Variants in PPIE observed in about 807,000 individuals in gnomAD.
The protein encoded by PPIE is peptidyl-prolyl cis-trans isomerase E.
In PPIE, 20 loss-of-function variants were observed where a neutral mutation model predicts 38.4. The observed-to-expected ratio is 0.52, with a 90% CI of 0.37 to 0.76. The LOEUF is 0.76. Ranked by LOEUF, PPIE falls within the 30% of genes least tolerant of loss-of-function variation. The pLI is 0.00. For synonymous variants in PPIE, 142 were observed against 135.7 expected (o/e 1.05, Z -0.32); for missense variants, 322 against 385.8 (o/e 0.83, Z 1.39).
intron 2 of PPIE, among the ~76,000 whole-genome samples, chr1:39,740,825 C>G (rs1209261353): frequency 6.6e-6 from 1 of 152,172 alleles, no homozygotes; most frequent in East Asian, 1.9e-4. Flanking sequence ...TCTTTAAACT[C>G]TCTGGGCCTG....
Position 39,740,202 on chromosome 1 carries a change from T to A in PPIE, c.69T>A (p.His23Gln). 1 of 1,614,226 alleles carries A rather than the reference T, an allele frequency of 6.2e-7. No individual in the cohort carries two copies. The highest frequency in any genetic ancestry group is 8.5e-7 in the Non-Finnish European group (1 of 1,180,038). Residue 23 changes from histidine (H) to glutamine (Q), a missense_variant, in exon 2 of 10, where the codon CAT becomes CAA. By Grantham distance (24) the His-to-Gln change is conservative. Coordinates refer to ENST00000324379, the MANE Select transcript of PPIE (RefSeq NM_006112.4). Reference protein sequence around the residue: ...LAEEVDDKVLHAAFIPFGDIT... With the variant: ...LAEEVDDKVLQAAFIPFGDIT... ...AGGAAGTGGACGACAAAGTTCTTCA[T>A]GCTGCGTTCATTCCTTTTGGAGACA...
chr1:39,762,996 C>T, intron 9 of PPIE: 6 of 1,430,756 alleles, frequency 4.2e-6, no homozygotes, highest in Non-Finnish European at 5.9e-6. Context: ...AGACGCGGAG[C>T]AGGTGGCCTC....
At chr1:39,741,795 G>A (rs1156402151) in intron 3 of PPIE, 100 bp from the exon 4 acceptor site, 1 of 1,307,642 alleles carries the variant, frequency 7.6e-7, no homozygotes, top group Non-Finnish European at 1.1e-6. Flanking sequence ...AAATACAGAG[G>A]TGGCATTTTT....
chr1:39,744,388 C>G (rs1252436809), intron 6 of PPIE, among the ~76,000 whole-genome samples: 1 of 152,204 alleles, frequency 6.6e-6, no homozygotes, highest in African/African-American at 2.4e-5. Flanking sequence ...CTACGGGAAC[C>G]TGCTGGGGCA....
intron 7 of PPIE, chr1:39,745,843 AACTAGTGC>A (rs1647189140): frequency 5.4e-6 from 1 of 185,692 alleles, no homozygotes; most frequent in Non-Finnish European, 1.1e-5. Flanking sequence ...TTCTAGAAGT[AACTAGTGC>A]TTTTATTGAG....
downstream of PPIE, chr1:39,760,148 C>A: frequency 1.9e-6 from 1 of 533,938 alleles, no homozygotes; most frequent in Non-Finnish European, 3.3e-6. Context: ...CCAGCCAGGA[C>A]ATGCCTCCGG....
intron 6 of PPIE, among the ~76,000 whole-genome samples, chr1:39,744,853 T>C (rs989811009): frequency 2.6e-5 from 4 of 152,144 alleles, no homozygotes; most frequent in African/African-American, 9.7e-5. Context: ...TGGAGCACAA[T>C]GCAAGGCCCA....
chr1:39,761,820 G>A (rs1232657238), intron 9 of PPIE, among the ~76,000 whole-genome samples: 2 of 152,216 alleles, frequency 1.3e-5, no homozygotes, highest in Admixed American at 6.5e-5. Flanking sequence ...CACAGGAGGC[G>A]TCACCTCCAC....
Position 39,754,789 on chromosome 1 carries a change from T to C in PPIE, c.*1434T>C, listed in dbSNP as rs564645141. Reference sequence around the variant, plus strand: ...GGGAGGATCGCTTGAACCTGGGAGGTTGAGGCTGCAGTCAGCCATGGTCAT... The same window carrying C: ...GGGAGGATCGCTTGAACCTGGGAGGCTGAGGCTGCAGTCAGCCATGGTCAT... On this transcript the variant is annotated 3_prime_UTR_variant, in exon 10 of 10. Coordinates refer to ENST00000324379, the MANE Select transcript of PPIE (RefSeq NM_006112.4). Among the ~76,000 whole-genome samples, 2 of 152,090 alleles carry C rather than the reference T, an allele frequency of 1.3e-5. No homozygotes were observed. Among genetic ancestry groups the C allele is most frequent in the Admixed American group, 6.5e-5 (1 of 15,292 alleles).
chr1:39,760,287 C>T (rs1392559697), downstream of PPIE: 17 of 1,390,516 alleles, frequency 1.2e-5, no homozygotes, highest in South Asian at 2.7e-5. Context: ...GAGAAAGGGT[C>T]ATGTACGTGG....
At chr1:39,763,035 C>T (rs920006217) in intron 9 of PPIE, 8 of 1,585,314 alleles carry the variant, frequency 5.0e-6, no homozygotes, top group African/African-American at 4.0e-5. Context: ...TGGACCAGAC[C>T]CCTCTCCACA....
chr1:39,746,834 TTTTAAG>T (rs1442321245), intron 7 of PPIE: 1 of 152,252 alleles, frequency 6.6e-6, no homozygotes, highest in Non-Finnish European at 1.5e-5. Context: ...CCTCCCTGCT[TTTTAAG>T]TTTATTTTTT....
In PPIE at chr1:39,752,957, T is replaced by A; in HGVS notation, c.742T>A (p.Phe248Ile). Residue 248 changes from phenylalanine to isoleucine, a missense_variant, in exon 9 of 10, where the codon TTC becomes ATC. Phe to Ile is a conservative substitution (Grantham distance 21). Coordinates refer to ENST00000324379, the MANE Select transcript of PPIE (RefSeq NM_006112.4). ...NSGPNTNGSQ[F>I]FLTCDKTDWL... ...TGGCCCAAACACCAATGGCTCTCAG[T>A]TCTTCCTGACATGTGACAAGACAGA... 6.2e-7 allele frequency: 1 copy of A among 1,614,222 alleles called. No homozygotes were observed. Among genetic ancestry groups the A allele is most frequent in the Non-Finnish European group, 8.5e-7 (1 of 1,180,030 alleles).
chr1:39,740,370 C>T, intron 2 of PPIE, 107 bp downstream of exon 2: 1 of 859,646 alleles, frequency 1.2e-6, no homozygotes, highest in Non-Finnish European at 1.8e-6. Flanking sequence ...GGTTAGTATA[C>T]ACTACAGGTA....
intron 8 of PPIE, among the ~76,000 whole-genome samples, chr1:39,750,691 T>C (rs1226712253): frequency 6.6e-6 from 1 of 152,220 alleles, no homozygotes; most frequent in Non-Finnish European, 1.5e-5. Flanking sequence ...CTCCTGCCTC[T>C]TCTTGTCTCC....
At chr1:39,743,366 C>G (rs551524412) in intron 5 of PPIE, 69 bp downstream of exon 5, 2 of 1,403,412 alleles carry the variant, frequency 1.4e-6, no homozygotes, top group African/African-American at 2.8e-5. Flanking sequence ...TTTTTTGTCT[C>G]TATTTACTTG....
At chr1:39,751,092 GGGAGTGTCAACT>G (rs1206829907) in intron 8 of PPIE, among the ~76,000 whole-genome samples, 1 of 152,218 alleles carries the variant, frequency 6.6e-6, no homozygotes, top group Non-Finnish European at 1.5e-5. Context: ...AAATGCAGAC[GGGAGTGTCAACT>G]GGATACCACT....
In PPIE at chr1:39,762,062, C is replaced by T. The variant is rs568112496; in HGVS notation, c.838-1627C>T. Among the ~76,000 whole-genome samples, 89 of 152,298 alleles carry T rather than the reference C, an allele frequency of 5.8e-4. 1 individual carries two copies. The South Asian group carries it at 1.0e-2, about 17-fold the overall frequency. On this transcript the variant is annotated intron_variant, in intron 9 of 9. Coordinates refer to the PPIE transcript ENST00000356511. ...GGCATAAAGGGTGGCTGGGCTGGGC[C>T]GCCCCACGCGTCCTCATCATCCCTG...
intron 4 of PPIE, chr1:39,742,952 A>G: frequency 3.3e-6 from 1 of 302,450 alleles, no homozygotes; most frequent in East Asian, 5.6e-5. Flanking sequence ...ATACTGGGAA[A>G]CTGCATTTAT....
Sources: allele counts gnomAD v4.1 joint callset (sites outside exome capture counted in the v4.1 genomes callset), GRCh38; gene constraint gnomAD v4.1.1; transcripts MANE v1.5; gene names NCBI Gene and HGNC (gene_info 2026-07-23, HGNC 2026-07-21).